SERPINB11: variants seen among roughly 807,000 people sequenced by gnomAD.
The protein encoded by SERPINB11 is serpin B11.
A neutral mutation model predicts 36.7 loss-of-function variants in SERPINB11; 32 were observed. The observed-to-expected ratio is 0.87, with a 90% confidence interval of 0.66 to 1.17. The LOEUF (loss-of-function observed/expected upper bound fraction) is 1.17. SERPINB11 is among the 50% of genes most tolerant of loss of function. The pLI, the probability that SERPINB11 is intolerant of heterozygous loss-of-function variation, is 0.00. For synonymous variants in SERPINB11, 174 were observed against 168.1 expected (o/e 1.04, Z -0.27); for missense variants, 528 against 458.4 (o/e 1.15, Z -1.39).
In SERPINB11 at chr18:63,712,591, C is replaced by A; in HGVS notation, c.255C>A (p.Ser85=). Residue 85 remains serine (S), a synonymous_variant, in exon 4 of 8, where the codon TCC becomes TCA. Transcript: ENST00000544088. ...GCAGCCAAGCTGGAAGAATTCATTC[C>A]GAGTTTGGTGTCGAATTCTCTCAAA... is the stretch of plus-strand genomic sequence containing the variant. ...PKCSQAGRIH[S]EFGVEFSQIN... is the part of the protein sequence containing the mutation. 6 of 1,613,668 alleles carry A rather than the reference C, an allele frequency of 3.7e-6. No individual in the cohort carries two copies. Among genetic ancestry groups the A allele is most frequent in the African/African-American group, 1.3e-5 (1 of 75,010 alleles).
Position 63,710,353 on chromosome 18 carries a change from T to C in SERPINB11, c.160T>C (p.Leu54=), listed in dbSNP as rs750685813. The change falls in exon 2 of 8, where the codon TTG becomes CTG. Residue 54 remains leucine, a synonymous_variant. Coordinates refer to ENST00000544088, the MANE Select transcript of SERPINB11 (RefSeq NM_001370475.1). ...TGCCAGGGGAGAGACTGAAGAGCAA[T>C]TGGAGAAGGTATGGAATTCCTCAGA... is the stretch of plus-strand genomic sequence containing the variant. ...LGARGETEEQ[L]EKVLHFSHTV... The C allele has an allele frequency of 3.1e-6, 5 of 1,610,730 alleles. No homozygotes were observed. The East Asian group carries it at 6.7e-5, about 22-fold the overall frequency.
chr18:63,714,183 C>T (rs1371734818), intron 4 of SERPINB11, among the ~76,000 whole-genome samples: 3 of 152,046 alleles, frequency 2.0e-5, no homozygotes, highest in Non-Finnish European at 4.4e-5. Context: ...CGGCAGGTTC[C>T]ATGAAGCCCC....
At chr18:63,708,463 T>A (rs1040917932) in intron 1 of SERPINB11, among the ~76,000 whole-genome samples, 4 of 152,044 alleles carry the variant, frequency 2.6e-5, no homozygotes, top group African/African-American at 9.7e-5. Flanking sequence ...GAAAACAGGA[T>A]TTTTTCATTG....
intron 7 of SERPINB11, 77 bp downstream of exon 7, chr18:63,721,063 A>G: frequency 1.3e-5 from 16 of 1,211,074 alleles, no homozygotes; most frequent in East Asian, 2.5e-5. Flanking sequence ...CACACTGTGT[A>G]TCTCATGACA....
At chr18:63,722,450 C>A (rs971472834) in intron 7 of SERPINB11, among the ~76,000 whole-genome samples, 1 of 152,084 alleles carries the variant, frequency 6.6e-6, no homozygotes, top group African/African-American at 2.4e-5. Context: ...GAAAGCTGAG[C>A]ATTGATGTGG....
intron 5 of SERPINB11, among the ~76,000 whole-genome samples, chr18:63,718,957 C>T (rs1488385513): frequency 1.3e-5 from 2 of 151,928 alleles, no homozygotes; most frequent in South Asian, 2.1e-4. Context: ...CTTGGGAAAT[C>T]TGTATTGAGA....
chr18:63,721,672 G>A (rs775985533), intron 7 of SERPINB11, among the ~76,000 whole-genome samples: 27 of 152,188 alleles, frequency 1.8e-4, no homozygotes, highest in Non-Finnish European at 3.1e-4. Flanking sequence ...GTGTGTGTGT[G>A]TGTTGGGTGG....
Position 63,720,967 on chromosome 18 carries a change from G to A in SERPINB11, c.755G>A (p.Gly252Asp). 1.9e-6 allele frequency: 3 copies of A among 1,609,084 alleles called. No homozygotes were observed. The highest frequency in any genetic ancestry group is 2.7e-5 in the African/African-American group (2 of 74,940). ...KLSMIILLPV[G>D]IANLKQIEKQ... is the part of the protein sequence containing the mutation. ...AGCATGATTATTCTGCTTCCAGTAG[G>A]CATAGCTAATCTGAAACAGGTAAAA... Residue 252 changes from glycine (G) to aspartate (D), a missense_variant, in exon 7 of 8, where the codon GGC (glycine) becomes GAC (aspartate). Physicochemically the swap from Gly to Asp is moderately conservative, Grantham distance 94. Transcript: ENST00000544088.
rs79303753 is a variant in SERPINB11, at chr18:63,707,038, G to A, written c.-15-3141G>A. ...TCCAGCAACCTCTCCTGTCTTTCTC[G>A]TAAGAATTATGACACTTTCTGACTC... On this transcript the variant is annotated intron_variant, in intron 1 of 7. Coordinates refer to ENST00000544088, the MANE Select transcript of SERPINB11 (RefSeq NM_001370475.1). Among the ~76,000 whole-genome samples the A allele has an allele frequency of 7.2e-3, 1,096 of 152,240 alleles. 11 individuals carry two copies. The highest frequency in any genetic ancestry group is 0.024 in the Middle Eastern group (7 of 294).
In SERPINB11 at chr18:63,720,187, T is replaced by C. The variant is rs569802363; in HGVS notation, c.618+32T>C. The C allele has an allele frequency of 2.6e-6, 4 of 1,555,086 alleles. No homozygotes were observed. In the African/African-American group the frequency reaches 4.1e-5, roughly 16 times the overall value. On this transcript the variant is annotated intron_variant, in intron 6 of 7. Transcript: ENST00000544088. ...ATTTTATTTTCAGACTCATGACAAA[T>C]GTTGGAGGATACAATAATCATTTAA... is the stretch of plus-strand genomic sequence containing the variant.
chr18:63,710,896 A>G (rs1219702411), intron 2 of SERPINB11, among the ~76,000 whole-genome samples: 1 of 152,228 alleles, frequency 6.6e-6, no homozygotes, highest in East Asian at 1.9e-4. Flanking sequence ...TGGAAAGTCT[A>G]GAAGAATATC....
At chr18:63,714,328 G>A (rs888181266) in intron 4 of SERPINB11, among the ~76,000 whole-genome samples, 13 of 151,972 alleles carry the variant, frequency 8.6e-5, no homozygotes, top group Admixed American at 2.6e-4. Flanking sequence ...GCAGAGCATC[G>A]GGGCAAAATT....
intron 5 of SERPINB11, 68 bp downstream of exon 5, chr18:63,716,220 T>C (rs1286816280): frequency 2.0e-6 from 2 of 994,336 alleles, no homozygotes; most frequent in African/African-American, 3.2e-5. Context: ...GTCCACTTGC[T>C]AAAGAGGAAG....
chr18:63,719,170 A>G (rs1182365350), intron 5 of SERPINB11, among the ~76,000 whole-genome samples: 2 of 152,104 alleles, frequency 1.3e-5, no homozygotes, highest in African/African-American at 4.8e-5. Flanking sequence ...GTTGTCTGTC[A>G]TGGGTGTGCA....
At chr18:63,706,069 C>T (rs925320272) in intron 1 of SERPINB11, among the ~76,000 whole-genome samples, 2 of 152,152 alleles carry the variant, frequency 1.3e-5, no homozygotes, top group African/African-American at 4.8e-5. Flanking sequence ...TAAAAACTGT[C>T]AAGAGCAAAG....
upstream of SERPINB11, chr18:63,702,862 C>T (rs1237354412): frequency 2.0e-5 from 3 of 152,054 alleles, no homozygotes; most frequent in Admixed American, 1.3e-4. Context: ...GCTGTACTTT[C>T]CAACCAGCAG....
chr18:63,723,740 G>T lies in SERPINB11; in HGVS notation c.*341G>T, dbSNP rs1362417969. On this transcript the variant is annotated 3_prime_UTR_variant, in exon 8 of 8. Coordinates refer to ENST00000544088, the MANE Select transcript of SERPINB11 (RefSeq NM_001370475.1). Reference sequence around the variant, plus strand: ...TGTATCTGTGAGATCTTGAATAAGTGACCTGACATCTCTGCTTAAAGAAAA... The same window carrying T: ...TGTATCTGTGAGATCTTGAATAAGTTACCTGACATCTCTGCTTAAAGAAAA... The T allele has an allele frequency of 5.0e-6, 1 of 199,196 alleles. No individual in the cohort carries two copies. Among genetic ancestry groups the T allele is most frequent in the Non-Finnish European group, 1.0e-5 (1 of 99,930 alleles). The allele number at this position is 199,196 out of a possible 1,614,324, so 12.3% of individuals were successfully genotyped here.
Position 63,710,174 on chromosome 18 carries a change from C to T in SERPINB11, c.-15-5C>T, listed in dbSNP as rs1488523522. On this transcript the variant is annotated splice_polypyrimidine_tract_variant and splice_region_variant and intron_variant, in intron 1 of 7. Coordinates refer to ENST00000544088, the MANE Select transcript of SERPINB11 (RefSeq NM_001370475.1). The stretch of plus-strand genomic sequence containing the variant: ...TTCTGAGAATTTTTTCCCTTCTGTT[C>T]TCAGGCAGTCGGCATAAAAATGGGT... 3 of 1,593,738 alleles carry T rather than the reference C, an allele frequency of 1.9e-6. No individual in the cohort carries two copies. The highest frequency in any genetic ancestry group is 2.6e-6 in the Non-Finnish European group (3 of 1,170,462).
At chr18:63,709,784 G>A (rs1914469810) in intron 1 of SERPINB11, among the ~76,000 whole-genome samples, 2 of 152,160 alleles carry the variant, frequency 1.3e-5, no homozygotes, top group South Asian at 4.1e-4. Flanking sequence ...TATCTCGACT[G>A]GCTGATCGTG....
Sources: gnomAD v4.1 joint callset for allele counts (sites outside exome capture counted in the v4.1 genomes callset) on GRCh38, gnomAD v4.1.1 for gene constraint, MANE v1.5 for transcripts, NCBI Gene and HGNC (gene_info 2026-07-23, HGNC 2026-07-21) for gene names.